The following BRF1 variants were observed in gnomAD, a reference collection of about 807,000 sequenced individuals.
BRF1 encodes the protein BRF1 general transcription factor IIIB subunit.
A neutral mutation model predicts 81.7 loss-of-function variants in BRF1; 59 were observed. The ratio of observed to expected loss-of-function variants is 0.72; its 90% CI spans 0.59 to 0.90. BRF1 has a LOEUF of 0.90. BRF1 is among the 40% of genes least tolerant of loss of function. The probability of loss-of-function intolerance (pLI) is 0.00; values close to 1 mark genes in which losing one functional copy is unlikely to be tolerated. For missense variants in BRF1, 1,050 were observed against 936.3 expected (o/e 1.12, Z -1.58); for synonymous variants, 491 against 395.6 (o/e 1.24, Z -2.86).
At chr14:105,291,823 C>T (rs2057525415) in intron 1 of BRF1, among the ~76,000 whole-genome samples, 1 of 151,912 alleles carries the variant, frequency 6.6e-6, no homozygotes, top group Non-Finnish European at 1.5e-5. Flanking sequence ...CATGGCGAAA[C>T]CCCGTCTCTA....
chr14:105,301,564 G>A (rs996501980), upstream of BRF1, among the ~76,000 whole-genome samples: 3 of 151,890 alleles, frequency 2.0e-5, no homozygotes, highest in South Asian at 2.1e-4. Flanking sequence ...GGAGACACCC[G>A]CCAGGGGCCA....
In BRF1 at chr14:105,241,270, C is replaced by T; in HGVS notation, c.689G>A (p.Gly230Glu). The T allele has an allele frequency of 1.2e-6, 2 of 1,611,528 alleles. No individual in the cohort carries two copies. The highest frequency in any genetic ancestry group is 1.3e-5 in the African/African-American group (1 of 75,036). ...HTGRRPSGLC[G>E]AALLVAARMH... The stretch of plus-strand genomic sequence containing the variant: ...GCAGGCAGGGCCCGCTGTACCTGCT[C>T]CGCAGAGGCCCGAGGGGCGCCGGCC... The change falls in exon 6 of 18, where the codon GGA becomes GAA. Residue 230 changes from glycine to glutamate, a missense_variant. This residue lies in a region of BRF1 where 1,043 missense variants were observed against 915.4 expected (regional missense o/e 1.14). Coordinates refer to ENST00000547530, the MANE Select transcript of BRF1 (RefSeq NM_001519.4).
At chr14:105,266,119 C>A (rs2056404137) in intron 3 of BRF1, among the ~76,000 whole-genome samples, 1 of 151,932 alleles carries the variant, frequency 6.6e-6, no homozygotes, top group African/African-American at 2.4e-5. Context: ...CGAAACTCAC[C>A]TAGAGAGAAA....
rs370561143 is a variant in BRF1 at position 105,226,187 on chromosome 14, A to G, written c.956-26T>C. The G allele has an allele frequency of 5.0e-6, 8 of 1,613,860 alleles. No individual in the cohort carries two copies. In the African/African-American group the frequency reaches 9.3e-5, roughly 19 times the overall value. ...CTGAAGTCATAAGTTAAAAGCAAAA[A>G]GTCAGCATAAAATCAATTTTCCCAA... On this transcript the variant is annotated intron_variant, in intron 9 of 17. Coordinates refer to ENST00000547530, the MANE Select transcript of BRF1 (RefSeq NM_001519.4).
At chr14:105,229,322 C>A (rs1029493767) in intron 6 of BRF1, among the ~76,000 whole-genome samples, 1 of 152,192 alleles carries the variant, frequency 6.6e-6, no homozygotes, top group Non-Finnish European at 1.5e-5. Flanking sequence ...TCACCAAGGC[C>A]ACAGTGGGCC....
intron 2 of BRF1, among the ~76,000 whole-genome samples, chr14:105,277,736 C>T (rs958841779): frequency 3.9e-5 from 6 of 152,150 alleles, no homozygotes; most frequent in Non-Finnish European, 8.8e-5. Flanking sequence ...ATGATGACTG[C>T]AGTAAGTTAT....
At chr14:105,296,384 G>T (rs1431623484) in intron 1 of BRF1, among the ~76,000 whole-genome samples, 1 of 151,818 alleles carries the variant, frequency 6.6e-6, no homozygotes, top group African/African-American at 2.4e-5. Flanking sequence ...GTGGTGCTGG[G>T]CGCCTGTAAT....
chr14:105,305,379 G>T (rs1034718650), upstream of BRF1, among the ~76,000 whole-genome samples: 2 of 152,130 alleles, frequency 1.3e-5, no homozygotes, highest in Admixed American at 1.3e-4. Context: ...TCCAGCCTGG[G>T]CGACAGATTG....
At chr14:105,261,494 C>T (rs1319500142) in intron 3 of BRF1, among the ~76,000 whole-genome samples, 1 of 152,248 alleles carries the variant, frequency 6.6e-6, no homozygotes, top group East Asian at 1.9e-4. Context: ...AGGCTGCCCA[C>T]ACCCTGGCTG....
chr14:105,289,331 G>T (rs897086319), intron 1 of BRF1, among the ~76,000 whole-genome samples: 3 of 152,238 alleles, frequency 2.0e-5, no homozygotes, highest in Non-Finnish European at 4.4e-5. Flanking sequence ...AACACGGTGA[G>T]AACCTGTCTG....
At chr14:105,270,792 A>G (rs952031791) in intron 3 of BRF1, among the ~76,000 whole-genome samples, 23 of 141,838 alleles carry the variant, frequency 1.6e-4, no homozygotes, top group South Asian at 2.2e-4. Flanking sequence ...CCCTGTCTGG[A>G]AAAAAAAAAA....
In BRF1 at chr14:105,209,658, G is replaced by GC; in HGVS notation, c.*892dup. 1.5e-6 allele frequency: 1 copy of GC among 678,930 alleles called. No individual in the cohort carries two copies. Among genetic ancestry groups the GC allele is most frequent in the Admixed American group, 2.1e-5 (1 of 47,578 alleles). 42.1% of individuals were successfully genotyped at this position (678,930 alleles called of 1,614,324 possible). A position where few individuals can be genotyped will look rare whatever the true frequency, so the allele number is the denominator to read the frequency against. ...GTCTGCCCTCCCTCCTCGATGGGGG[G>GC]CCTGATCCAGCTCTGACAGGGAGCG... On this transcript the variant is annotated 3_prime_UTR_variant, in exon 18 of 18. Coordinates refer to ENST00000547530, the MANE Select transcript of BRF1 (RefSeq NM_001519.4).
intron 5 of BRF1, chr14:105,248,091 C>T: frequency 4.1e-6 from 4 of 985,480 alleles, no homozygotes; most frequent in Non-Finnish European, 4.8e-6. Flanking sequence ...GTGCCTATTT[C>T]CTCGAGGAAA....
At chr14:105,282,551 T>A (rs2057150714) in intron 2 of BRF1, among the ~76,000 whole-genome samples, 1 of 152,144 alleles carries the variant, frequency 6.6e-6, no homozygotes, top group Non-Finnish European at 1.5e-5. Context: ...ACCAAGGCGG[T>A]ATGGGGAGAA....
At chr14:105,267,192 C>G (rs1240159404) in intron 3 of BRF1, among the ~76,000 whole-genome samples, 1 of 152,264 alleles carries the variant, frequency 6.6e-6, no homozygotes, top group Non-Finnish European at 1.5e-5. Flanking sequence ...ACATACAAAA[C>G]TCAGCTAAAC....
At chr14:105,248,483 C>T (rs2055284975) in intron 5 of BRF1, 1 of 978,150 alleles carries the variant, frequency 1.0e-6, no homozygotes, top group Non-Finnish European at 1.2e-6. Flanking sequence ...GATGTCGGGC[C>T]TGGGGGCGGG....
chr14:105,224,783 A>C (rs1892827974), intron 10 of BRF1, among the ~76,000 whole-genome samples: 1 of 152,184 alleles, frequency 6.6e-6, no homozygotes, highest in Non-Finnish European at 1.5e-5. Context: ...CTGCTCAAGC[A>C]GTCCTCCTGT....
At chr14:105,282,020 C>T (rs1165093258) in intron 2 of BRF1, among the ~76,000 whole-genome samples, 1 of 152,170 alleles carries the variant, frequency 6.6e-6, no homozygotes, top group African/African-American at 2.4e-5. Flanking sequence ...CACCTAGCGG[C>T]ATTTCAGAAC....
At chr14:105,259,305 T>G (rs1447261645) in intron 3 of BRF1, among the ~76,000 whole-genome samples, 1 of 151,966 alleles carries the variant, frequency 6.6e-6, no homozygotes, top group Non-Finnish European at 1.5e-5. Flanking sequence ...ATTAGCCGGG[T>G]ATGGTGACAA....
Sources: gnomAD v4.1 joint callset for allele counts (sites outside exome capture counted in the v4.1 genomes callset) on GRCh38, gnomAD v4.1.1 for gene constraint, gnomAD v4.1.1 regional missense constraint, MANE v1.5 for transcripts, NCBI Gene and HGNC (gene_info 2026-07-23, HGNC 2026-07-21) for gene names.